Variants in UGT1A4 observed in about 807,000 individuals in gnomAD.
UGT1A4 encodes UDP glucuronosyltransferase family 1 member A4.
A neutral mutation model predicts 41.1 loss-of-function variants in UGT1A4; 32 were observed. The ratio of observed to expected loss-of-function variants is 0.78; its 90% CI spans 0.59 to 1.05. UGT1A4 has a LOEUF of 1.05. Ranked by LOEUF, UGT1A4 falls within the 50% of genes least tolerant of loss-of-function variation. UGT1A4 has a pLI of 0.00. For synonymous variants in UGT1A4, 283 were observed against 265.1 expected, an observed-to-expected ratio of 1.07 and a Z score of -0.66; for missense variants, 748 against 677.4, an observed-to-expected ratio of 1.10 and a Z score of -1.16.
chr2:233,746,538 T>G (rs575149330), intron 1 of UGT1A4, among the ~76,000 whole-genome samples: 26 of 151,796 alleles, frequency 1.7e-4, no homozygotes, highest in Non-Finnish European at 3.5e-4. Flanking sequence ...GCTGCCCTGC[T>G]GTGTGACTTC....
intron 1 of UGT1A4, among the ~76,000 whole-genome samples, chr2:233,720,026 G>A (rs1302050187): frequency 6.6e-6 from 1 of 152,126 alleles, no homozygotes; most frequent in Non-Finnish European, 1.5e-5. Flanking sequence ...TGGGGTTTTT[G>A]CTTGCCTGAT....
intron 1 of UGT1A4, among the ~76,000 whole-genome samples, chr2:233,750,901 C>T (rs2125907846): frequency 6.6e-6 from 1 of 152,000 alleles, no homozygotes; most frequent in South Asian, 2.1e-4. Flanking sequence ...AGAACCTCTG[C>T]TAGAGAAGGG....
intron 1 of UGT1A4, among the ~76,000 whole-genome samples, chr2:233,736,155 C>T (rs1455121257): frequency 4.6e-5 from 7 of 152,206 alleles, no homozygotes; most frequent in Admixed American, 6.5e-5. Context: ...ACCAGTCAAA[C>T]GTAGATTTGG....
At chr2:233,741,008 G>A (rs1182899562) in intron 1 of UGT1A4, 1 of 151,722 alleles carries the variant, frequency 6.6e-6, no homozygotes, top group African/African-American at 2.4e-5. Flanking sequence ...GATCACTTGA[G>A]CCCAGGAATT....
intron 1 of UGT1A4, among the ~76,000 whole-genome samples, chr2:233,762,016 T>C (rs1483178639): frequency 3.9e-5 from 6 of 152,180 alleles, no homozygotes; most frequent in Non-Finnish European, 2.9e-5. Flanking sequence ...CAATGTGATT[T>C]GTATTTTATT....
chr2:233,760,629 G>T (rs1330446381), intron 1 of UGT1A4: 1 of 1,613,986 alleles, frequency 6.2e-7, no homozygotes, highest in Non-Finnish European at 8.5e-7. Context: ...AAACATACAA[G>T]AAAATAAAAA....
chr2:233,744,000 G>T, intron 1 of UGT1A4: 1 of 1,221,194 alleles, frequency 8.2e-7, no homozygotes, highest in South Asian at 1.4e-5. Flanking sequence ...CGAGTGCTCG[G>T]AGACCTGGGC....
chr2:233,762,557 A>G (rs1283920878), intron 1 of UGT1A4, among the ~76,000 whole-genome samples: 3 of 152,170 alleles, frequency 2.0e-5, no homozygotes. Flanking sequence ...TCTGCTGGAG[A>G]TCTAGTCTAG....
rs1007277466 is a variant in UGT1A4 at position 233,747,537 on chromosome 2, A to G, written c.868-19497A>G. On this transcript the variant is annotated intron_variant, in intron 1 of 4. Coordinates refer to ENST00000373409, the MANE Select transcript of UGT1A4 (RefSeq NM_007120.3). ...CTTTGAAACAGAACATTTTCTGAAG[A>G]CATTTTCTAAAAGTATGGCAATTTT... The G allele has an allele frequency of 2.1e-5, 33 of 1,604,828 alleles. No individual in the cohort carries two copies. The Admixed American group carries it at 5.3e-4, about 26-fold the overall frequency.
chr2:233,747,584 T>G (rs1693721296), intron 1 of UGT1A4: 1 of 1,580,584 alleles, frequency 6.3e-7, no homozygotes, highest in African/African-American at 1.4e-5. Context: ...CTTTGGTCTT[T>G]CATAGGTCTT....
intron 1 of UGT1A4, chr2:233,761,148 C>G: frequency 6.2e-7 from 1 of 1,614,128 alleles, no homozygotes; most frequent in South Asian, 1.1e-5. Flanking sequence ...ATCCACTATC[C>G]CAGGTGTGTA....
At chr2:233,734,495 T>C (rs541063425) in intron 1 of UGT1A4, among the ~76,000 whole-genome samples, 38 of 152,346 alleles carry the variant, frequency 2.5e-4, no homozygotes, top group African/African-American at 9.1e-4. Flanking sequence ...TTGAAGGTTT[T>C]TTTGTGTCTC....
At chr2:233,761,015 C>A (rs568151745) in intron 1 of UGT1A4, 1 of 1,614,218 alleles carries the variant, frequency 6.2e-7, no homozygotes, top group Admixed American at 1.7e-5. Flanking sequence ...AGAGAGGTGA[C>A]TGTCCAGGAC....
Position 233,719,565 on chromosome 2 carries a change from G to T in UGT1A4, c.745G>T (p.Val249Phe). The T allele has an allele frequency of 6.2e-7, 1 of 1,613,918 alleles. No homozygotes were observed. The highest frequency in any genetic ancestry group is 1.1e-5 in the South Asian group (1 of 91,074). ...GAGAGAGGTGTCAGTGGTGGATCTTGTCAGCTATGCATCCGTGTGGCTGTT... is the reference window on the plus strand; with the variant it reads ...GAGAGAGGTGTCAGTGGTGGATCTTTTCAGCTATGCATCCGTGTGGCTGTT... ...FQREVSVVDL[V>F]SYASVWLFRG... is the part of the protein sequence containing the mutation. Residue 249 changes from valine (V) to phenylalanine (F), a missense_variant, in exon 1 of 5, where the codon GTC becomes TTC. Coordinates refer to ENST00000373409, the MANE Select transcript of UGT1A4 (RefSeq NM_007120.3).
chr2:233,743,988 C>T (rs893316227), intron 1 of UGT1A4: 14 of 1,273,410 alleles, frequency 1.1e-5, no homozygotes, highest in Middle Eastern at 2.4e-4. Flanking sequence ...CAGGCGCAGG[C>T]CCGAGTGCTC....
At chr2:233,737,218 C>T (rs1437644428) in intron 1 of UGT1A4, among the ~76,000 whole-genome samples, 1 of 152,212 alleles carries the variant, frequency 6.6e-6, no homozygotes, top group African/African-American at 2.4e-5. Context: ...CTGTTCAGTT[C>T]CAGCTTCCTG....
At chr2:233,733,214 A>T (rs920142608) in intron 1 of UGT1A4, among the ~76,000 whole-genome samples, 1 of 152,180 alleles carries the variant, frequency 6.6e-6, no homozygotes, top group African/African-American at 2.4e-5. Flanking sequence ...TTGGGCTGAG[A>T]CAATGGGGTT....
intron 1 of UGT1A4, chr2:233,738,901 C>A (rs1400656739): frequency 1.3e-5 from 2 of 152,162 alleles, no homozygotes; most frequent in Non-Finnish European, 2.9e-5. Context: ...TGCAGCAGAC[C>A]CTCCCATCAC....
chr2:233,770,293 A>G (rs1284543381), intron 4 of UGT1A4: 4 of 152,108 alleles, frequency 2.6e-5, no homozygotes, highest in African/African-American at 9.7e-5. Flanking sequence ...GAAGTGGAAA[A>G]TTTTCAAACA....
Sources: allele counts gnomAD v4.1 joint callset (sites outside exome capture counted in the v4.1 genomes callset), GRCh38; gene constraint gnomAD v4.1.1; transcripts MANE v1.5; gene names NCBI Gene and HGNC (gene_info 2026-07-23, HGNC 2026-07-21).